PCDH19: variants seen among roughly 807,000 people sequenced by gnomAD.
PCDH19 encodes the protein protocadherin 19.
A neutral mutation model predicts 46.2 loss-of-function variants in PCDH19; 6 were observed. The ratio of observed to expected loss-of-function variants is 0.13; its 90% CI spans 0.07 to 0.26. The LOEUF (loss-of-function observed/expected upper bound fraction) is 0.26. Among genes scored for constraint, PCDH19 ranks in the 10% least tolerant of loss-of-function variants. The pLI, the probability that PCDH19 is intolerant of heterozygous loss-of-function variation, is 1.00. For synonymous variants in PCDH19, 481 were observed against 415.7 expected (o/e 1.16, Z -1.91); for missense variants, 740 against 972.3 (o/e 0.76, Z 3.18).
chrX:100,322,028 A>G lies in PCDH19; in HGVS notation c.2848+19875T>C, dbSNP rs185467512. Among the ~76,000 whole-genome samples the G allele has an allele frequency of 8.8e-3, 962 of 109,351 alleles. 11 individuals carry two copies. Among genetic ancestry groups the G allele is most frequent in the African/African-American group, 0.03 (906 of 30,005 alleles). The allele number at this position is 109,351 out of a possible 115,157, so 95.0% of individuals were successfully genotyped here. A position where few individuals can be genotyped will look rare whatever the true frequency, so the allele number is the denominator to read the frequency against. On this transcript the variant is annotated intron_variant, in intron 5 of 5. Transcript: ENST00000373034. Reference sequence around the variant, plus strand: ...ATGGTCTCGATCTCCTGACCTCATGATCCACCTGCCTCGGCCTCCCAAATT... The same window carrying G: ...ATGGTCTCGATCTCCTGACCTCATGGTCCACCTGCCTCGGCCTCCCAAATT...
chrX:100,359,459 C>G (rs1926813464), intron 3 of PCDH19, among the ~76,000 whole-genome samples: 1 of 111,888 alleles, frequency 8.9e-6, no homozygotes, highest in African/African-American at 3.3e-5. Flanking sequence ...TTTTGGTTGC[C>G]CTTTAGAGGC....
At position 100,396,286 on chromosome X, in the gene PCDH19, G is replaced by A. The variant is rs892581268; in HGVS notation, c.2616+6238C>T. 3.6e-5 allele frequency among the ~76,000 whole-genome samples: 4 copies of A among 111,958 alleles called. No individual in the cohort carries two copies. In the Admixed American group the frequency reaches 3.8e-4, roughly 11 times the overall value. On this transcript the variant is annotated intron_variant, in intron 3 of 5. Coordinates refer to ENST00000373034, the MANE Select transcript of PCDH19 (RefSeq NM_001184880.2). ...TAATTCCTAACAAGCAATCCCCTAA[G>A]CCCTTAGCTTCTGCGCTGGGCACAA...
rs1184629405 is a variant in PCDH19 at position 100,406,849 on chromosome X, T to C, written c.1749A>G (p.Ile583Met). ...AEVYIPRNSG[I>M]GYLVTVVKAE... ...CCTTGACAACAGTCACCAGGTAGCC[T>C]ATGCCAGAGTTGCGGGGTATGTAGA... The change falls in exon 1 of 6, where the codon ATA becomes ATG. Residue 583 changes from isoleucine (I) to methionine (M), a missense_variant. By Grantham distance (10) the Ile-to-Met change is conservative (BLOSUM62 1). Coordinates refer to ENST00000373034, the MANE Select transcript of PCDH19 (RefSeq NM_001184880.2). 6 of 1,211,878 alleles carry C rather than the reference T, an allele frequency of 5.0e-6. No individual in the cohort carries two copies. Among genetic ancestry groups the C allele is most frequent in the Non-Finnish European group, 6.7e-6 (6 of 895,542 alleles).
At chrX:100,402,420 C>T in intron 3 of PCDH19, 104 bp downstream of exon 3, 2 of 706,046 alleles carry the variant, frequency 2.8e-6, no homozygotes, top group East Asian at 3.4e-5. Flanking sequence ...AAATTCTCCC[C>T]ACCCCTGCCA....
At chrX:100,311,011 TAA>T (rs751135333) in intron 5 of PCDH19, among the ~76,000 whole-genome samples, 1 of 95,143 alleles carries the variant, frequency 1.1e-5, no homozygotes, top group Admixed American at 1.2e-4. Flanking sequence ...CCTGGCTAAT[TAA>T]AAAAAAAAAA....
At chrX:100,405,383 T>C (rs1005411801) in intron 1 of PCDH19, among the ~76,000 whole-genome samples, 1 of 112,504 alleles carries the variant, frequency 8.9e-6, no homozygotes, top group Non-Finnish European at 1.9e-5. Flanking sequence ...AAAAATGTCA[T>C]GTATTATCCT....
chrX:100,400,573 G>A (rs1928147977), intron 3 of PCDH19, among the ~76,000 whole-genome samples: 2 of 112,668 alleles, frequency 1.8e-5, no homozygotes, highest in African/African-American at 6.4e-5. Flanking sequence ...GTAGTCTACG[G>A]CCTAGGCCTT....
At chrX:100,332,476 C>T (rs1242188908) in intron 5 of PCDH19, among the ~76,000 whole-genome samples, 3 of 104,595 alleles carry the variant, frequency 2.9e-5, no homozygotes, top group Non-Finnish European at 5.8e-5. Flanking sequence ...GAGCCAAGAT[C>T]GTGCCATTGT....
chrX:100,366,669 A>T (rs778685128), intron 3 of PCDH19, among the ~76,000 whole-genome samples: 1 of 112,598 alleles, frequency 8.9e-6, no homozygotes, highest in Non-Finnish European at 1.9e-5. Flanking sequence ...ACTAACAAGA[A>T]TAAATTGTTT....
chrX:100,342,044 T>C lies in PCDH19; in HGVS notation c.2707A>G (p.Ser903Gly). The C allele has an allele frequency of 8.3e-7, 1 of 1,210,559 alleles. No homozygotes were observed. The highest frequency in any genetic ancestry group is 1.1e-6 in the Non-Finnish European group (1 of 894,416). Residue 903 changes from serine (S) to glycine (G), a missense_variant, in exon 5 of 6, where the codon AGC (serine) becomes GGC (glycine). By Grantham distance (56) the Ser-to-Gly change is moderately conservative (BLOSUM62 0). Transcript: ENST00000373034. Reference sequence around the variant, plus strand: ...TCCTCATGTCCACTATCCTTCAGGCTGTTGCCCTCTAAGTCCTTGAAGGTG... The same window carrying C: ...TCCTCATGTCCACTATCCTTCAGGCCGTTGCCCTCTAAGTCCTTGAAGGTG... ...SSTFKDLEGN[S>G]LKDSGHEESD... is the part of the protein sequence containing the mutation.
intron 3 of PCDH19, among the ~76,000 whole-genome samples, chrX:100,360,840 T>C (rs1395550173): frequency 8.9e-6 from 1 of 111,910 alleles, no homozygotes; most frequent in African/African-American, 3.2e-5. Flanking sequence ...CATCACTTCA[T>C]AAACCATAAC....
rs1924636777 is a variant in PCDH19, at chrX:100,296,942, T to A, written c.2849-67A>T. 3.0e-6 allele frequency: 3 copies of A among 1,014,943 alleles called. No individual in the cohort carries two copies. In the South Asian group the frequency reaches 5.7e-5, roughly 19 times the overall value. 83.6% of individuals were successfully genotyped at this position (1,014,943 alleles called of 1,213,427 possible). On this transcript the variant is annotated intron_variant, in intron 5 of 5. Transcript: ENST00000373034. ...CAGGATTCACTGTTACTCCCCAGTGTTCTGGTTTCTTAGATATCCACAGGC... is the reference window on the plus strand; with the variant it reads ...CAGGATTCACTGTTACTCCCCAGTGATCTGGTTTCTTAGATATCCACAGGC...
chrX:100,334,230 T>C (rs1352664316), intron 5 of PCDH19, among the ~76,000 whole-genome samples: 1 of 111,016 alleles, frequency 9.0e-6, no homozygotes, highest in Non-Finnish European at 1.9e-5. Flanking sequence ...AGCATAAATA[T>C]ACATATGGAA....
At chrX:100,346,486 G>T (rs143635314) in intron 4 of PCDH19, among the ~76,000 whole-genome samples, 1,122 of 111,885 alleles carry the variant, frequency 0.01, 6 homozygotes, top group Admixed American at 0.016. Flanking sequence ...GATGGAGCTA[G>T]CATACCTGCG....
rs796052790 is a variant in PCDH19, at chrX:100,408,374, T to C, written c.224A>G (p.Asn75Ser). ...GGTGACCAGCAGGCCAGAGCTGGGA[T>C]TGATGTCCACTAGGTGTGGAGCCGA... ...SNSAPHLVDINPSSGLLVTKQ... is the reference protein window; with the variant it reads ...SNSAPHLVDISPSSGLLVTKQ... The change falls in exon 1 of 6, where the codon AAT becomes AGT. Residue 75 changes from asparagine to serine, a missense_variant. Asn to Ser is a conservative substitution (Grantham distance 46). Transcript: ENST00000373034. 5.0e-6 allele frequency: 6 copies of C among 1,207,697 alleles called. No homozygotes were observed. The highest frequency in any genetic ancestry group is 6.7e-6 in the Non-Finnish European group (6 of 894,592).
Position 100,333,159 on chromosome X carries a change from AAG to A in PCDH19, c.2848+8742_2848+8743del, listed in dbSNP as rs1569294598. 2.0e-3 allele frequency among the ~76,000 whole-genome samples: 92 copies of A among 46,210 alleles called. 2 individuals carry two copies. Among genetic ancestry groups the A allele is most frequent in the African/African-American group, 3.8e-3 (60 of 15,691 alleles). 40.1% of individuals were successfully genotyped at this position (46,210 alleles called of 115,157 possible). Reference sequence around the variant, plus strand: ...GAAGGAAGGAAGGAAGGAAGGAAGGAAGGAAGGAAGGAAGGGAGAGAGAGAGA... The same window carrying A: ...GAAGGAAGGAAGGAAGGAAGGAAGGAGAAGGAAGGAAGGGAGAGAGAGAGA... On this transcript the variant is annotated intron_variant, in intron 5 of 5. Coordinates refer to ENST00000373034, the MANE Select transcript of PCDH19 (RefSeq NM_001184880.2).
chrX:100,323,373 G>A (rs1050081925), intron 5 of PCDH19, among the ~76,000 whole-genome samples: 1 of 111,608 alleles, frequency 9.0e-6, no homozygotes, highest in Non-Finnish European at 1.9e-5. Flanking sequence ...TTCATAACAG[G>A]AATGAAAACT....
intron 5 of PCDH19, among the ~76,000 whole-genome samples, chrX:100,304,578 T>C (rs1924880776): frequency 8.9e-6 from 1 of 111,895 alleles, no homozygotes; most frequent in African/African-American, 3.2e-5. Context: ...GAGAAATTTC[T>C]GAATTGCCAG....
intron 3 of PCDH19, among the ~76,000 whole-genome samples, chrX:100,390,848 T>A (rs769830757): frequency 9.0e-6 from 1 of 111,718 alleles, no homozygotes; most frequent in South Asian, 3.8e-4. Flanking sequence ...TGATAACCTA[T>A]AACAAACATC....
Sources: gnomAD v4.1 joint callset for allele counts (sites outside exome capture counted in the v4.1 genomes callset) on GRCh38, gnomAD v4.1.1 for gene constraint, MANE v1.5 for transcripts, NCBI Gene and HGNC (gene_info 2026-07-23, HGNC 2026-07-21) for gene names.